Variants in FNDC3A observed in about 807,000 individuals in gnomAD.
FNDC3A encodes the protein fibronectin type-III domain-containing protein 3A.
In FNDC3A, 32 loss-of-function variants were observed where a neutral mutation model predicts 148.9. That is an observed-to-expected ratio of 0.21 (90% confidence interval 0.16 to 0.29). FNDC3A has a LOEUF of 0.29. Ranked by LOEUF, FNDC3A falls within the 10% of genes least tolerant of loss-of-function variation. The pLI, the probability that FNDC3A is intolerant of heterozygous loss-of-function variation, is 1.00. For missense variants in FNDC3A, 1,191 were observed against 1,452.8 expected (o/e 0.82, Z 2.93); for synonymous variants, 472 against 473.6 (o/e 1.00, Z 0.04).
At chr13:49,165,358 T>A (rs1469671872) in intron 8 of FNDC3A, among the ~76,000 whole-genome samples, 1 of 152,172 alleles carries the variant, frequency 6.6e-6, no homozygotes, top group African/African-American at 2.4e-5. Flanking sequence ...GCATCTATTG[T>A]GTTGGTTGGG....
chr13:48,987,359 G>C (rs990269426), intron 1 of FNDC3A, among the ~76,000 whole-genome samples: 2 of 152,116 alleles, frequency 1.3e-5, no homozygotes, highest in Non-Finnish European at 2.9e-5. Context: ...TTTCTCTCTT[G>C]TTTCCATAGT....
At chr13:49,199,087 C>G (rs1366542975) in intron 23 of FNDC3A, among the ~76,000 whole-genome samples, 1 of 152,122 alleles carries the variant, frequency 6.6e-6, no homozygotes, top group African/African-American at 2.4e-5. Flanking sequence ...GTGGCACTAT[C>G]TTGGCTCATT....
At chr13:49,016,896 A>G (rs1258661065) in intron 2 of FNDC3A, among the ~76,000 whole-genome samples, 2 of 150,370 alleles carry the variant, frequency 1.3e-5, no homozygotes, top group East Asian at 3.9e-4. Flanking sequence ...TTCAGTTTCC[A>G]TGTAGTTGAG....
intron 8 of FNDC3A, among the ~76,000 whole-genome samples, chr13:49,164,378 C>T (rs1884337468): frequency 6.6e-6 from 1 of 152,074 alleles, no homozygotes; most frequent in South Asian, 2.1e-4. Context: ...TTTTTGCATT[C>T]TGTCTCTTTT....
At chr13:49,189,088 A>G (rs771173965) in intron 17 of FNDC3A, among the ~76,000 whole-genome samples, 2 of 152,250 alleles carry the variant, frequency 1.3e-5, no homozygotes, top group Non-Finnish European at 2.9e-5. Flanking sequence ...TAGAGACTCA[A>G]TAACCAAAAT....
At chr13:49,009,513 T>G (rs1204680471) in intron 2 of FNDC3A, among the ~76,000 whole-genome samples, 1 of 152,222 alleles carries the variant, frequency 6.6e-6, no homozygotes, top group Non-Finnish European at 1.5e-5. Flanking sequence ...GGTAGGGCTG[T>G]GTTTAGTTTT....
chr13:49,115,397 A>G (rs917470520), intron 4 of FNDC3A, among the ~76,000 whole-genome samples: 10 of 152,076 alleles, frequency 6.6e-5, no homozygotes, highest in African/African-American at 1.4e-4. Flanking sequence ...GGAAATAATC[A>G]TTTTCTCTCC....
intron 2 of FNDC3A, among the ~76,000 whole-genome samples, chr13:49,058,238 G>A (rs766768737): frequency 2.6e-5 from 4 of 152,108 alleles, no homozygotes; most frequent in Non-Finnish European, 4.4e-5. Context: ...GGTCGTGATC[G>A]ATTGAGCAAG....
intron 7 of FNDC3A, among the ~76,000 whole-genome samples, chr13:49,143,628 A>G (rs953870590): frequency 6.6e-6 from 1 of 152,132 alleles, no homozygotes; most frequent in Non-Finnish European, 1.5e-5. Flanking sequence ...CTTTAAACCT[A>G]AATTTATTTC....
At chr13:49,017,503 A>G (rs373834728) in intron 2 of FNDC3A, among the ~76,000 whole-genome samples, 28 of 152,100 alleles carry the variant, frequency 1.8e-4, no homozygotes, top group Non-Finnish European at 3.4e-4. Context: ...GTCTCTGCAC[A>G]TGAGATGGGT....
At chr13:49,127,918 G>T (rs1881798344) in intron 4 of FNDC3A, among the ~76,000 whole-genome samples, 1 of 150,098 alleles carries the variant, frequency 6.7e-6, no homozygotes, top group Admixed American at 6.7e-5. Flanking sequence ...GTCTTGCTCT[G>T]TTGCCCAGGC....
intron 3 of FNDC3A, among the ~76,000 whole-genome samples, chr13:49,107,862 C>CT (rs1880300270): frequency 6.6e-6 from 1 of 152,090 alleles, no homozygotes; most frequent in Non-Finnish European, 1.5e-5. Flanking sequence ...ACATGCCAGT[C>CT]TGAGTACTGC....
intron 4 of FNDC3A, among the ~76,000 whole-genome samples, chr13:49,119,460 A>C (rs934460016): frequency 1.3e-5 from 2 of 152,134 alleles, no homozygotes; most frequent in Non-Finnish European, 2.9e-5. Context: ...CCTTGCCAGC[A>C]AGTGAACAAA....
chr13:49,075,174 C>A, intron 2 of FNDC3A, 115 bp from the exon 3 acceptor site: 1 of 547,786 alleles, frequency 1.8e-6, no homozygotes, highest in Non-Finnish European at 3.3e-6. Flanking sequence ...GTGTAATCCC[C>A]ATTTTCCTTC....
intron 2 of FNDC3A, among the ~76,000 whole-genome samples, chr13:49,009,414 G>A (rs1952290782): frequency 6.6e-6 from 1 of 152,162 alleles, no homozygotes. Context: ...AAATAAAGCT[G>A]CTTTAAACAT....
intron 8 of FNDC3A, among the ~76,000 whole-genome samples, chr13:49,159,809 CAG>C (rs1261924975): frequency 2.6e-5 from 4 of 152,100 alleles, no homozygotes; most frequent in African/African-American, 9.7e-5. Context: ...CTAGTTTATT[CAG>C]AGTTTTTAGC....
chr13:49,148,922 GTTATA>G (rs1308065604), intron 8 of FNDC3A, among the ~76,000 whole-genome samples: 1 of 151,846 alleles, frequency 6.6e-6, no homozygotes, highest in East Asian at 1.9e-4. Context: ...CTTTCTACCT[GTTATA>G]TTAGATTTAT....
chr13:49,199,867 G>C (rs1022143508), intron 23 of FNDC3A, among the ~76,000 whole-genome samples: 33 of 152,064 alleles, frequency 2.2e-4, no homozygotes, highest in African/African-American at 7.5e-4. Context: ...ATTTCATTCA[G>C]GTTCTTTCTG....
chr13:49,088,469 T>C (rs1593573253), intron 3 of FNDC3A, among the ~76,000 whole-genome samples: 1 of 152,212 alleles, frequency 6.6e-6, no homozygotes, highest in Non-Finnish European at 1.5e-5. Context: ...CTACTACTAC[T>C]TCTAGATTGA....
Sources: allele counts gnomAD v4.1 joint callset (sites outside exome capture counted in the v4.1 genomes callset), GRCh38; gene constraint gnomAD v4.1.1; transcripts MANE v1.5; gene names NCBI Gene and HGNC (gene_info 2026-07-23, HGNC 2026-07-21).